The following SLC25A18 variants were observed in gnomAD, a reference collection of about 807,000 sequenced individuals.
SLC25A18 encodes solute carrier family 25 member 18.
A neutral mutation model predicts 31.1 loss-of-function variants in SLC25A18; 24 were observed. The observed-to-expected ratio is 0.77, with a 90% CI of 0.56 to 1.08. The LOEUF (loss-of-function observed/expected upper bound fraction) is 1.08, where lower values mean the gene tolerates loss of function less well. Ranked by LOEUF, SLC25A18 falls within the 50% of genes least tolerant of loss-of-function variation. The pLI is 0.00. For missense variants in SLC25A18, 371 were observed against 418.5 expected (o/e 0.89, Z 0.99); for synonymous variants, 173 against 161.9 (o/e 1.07, Z -0.52).
intron 8 of SLC25A18, 62 bp downstream of exon 8, chr22:17,587,363 C>T: frequency 6.5e-7 from 1 of 1,529,820 alleles, no homozygotes; most frequent in Non-Finnish European, 8.8e-7. Context: ...GGCCAGAGAG[C>T]TGGTTGTCCC....
chr22:17,565,227 C>T (rs569116927), intron 1 of SLC25A18, among the ~76,000 whole-genome samples: 1 of 152,104 alleles, frequency 6.6e-6, no homozygotes, highest in African/African-American at 2.4e-5. Context: ...ACTACAGGTG[C>T]CTGCCACTAT....
At chr22:17,572,883 C>T (rs1311214466) in intron 2 of SLC25A18, among the ~76,000 whole-genome samples, 3 of 151,974 alleles carry the variant, frequency 2.0e-5, no homozygotes, top group South Asian at 2.1e-4. Flanking sequence ...CCTCGTGATC[C>T]GCCCGCCTCG....
chr22:17,587,793 C>A, intron 8 of SLC25A18, 132 bp from the exon 9 acceptor site: 2 of 1,139,946 alleles, frequency 1.8e-6, no homozygotes, highest in South Asian at 1.4e-5. Flanking sequence ...TCACGGGGCA[C>A]AAAAGAAGGG....
Position 17,590,109 on chromosome 22 carries a change from A to AGGAG in SLC25A18, c.825_828dup (p.Pro277GlyfsTer40), listed in dbSNP as rs1482407302. ...TTTCTCCCCAGGAAACTCTGGATTC[A>AGGAG]GGAGGGACCATCTGCCTTCATGAAA... On this transcript the variant is annotated frameshift_variant, in exon 11 of 11. Coordinates refer to ENST00000327451, the MANE Select transcript of SLC25A18 (RefSeq NM_031481.3). LOFTEE classifies it high-confidence loss of function. 1.2e-6 allele frequency: 2 copies of AGGAG among 1,614,064 alleles called. No homozygotes were observed. The highest frequency in any genetic ancestry group is 1.7e-6 in the Non-Finnish European group (2 of 1,180,054).
intron 2 of SLC25A18, among the ~76,000 whole-genome samples, chr22:17,572,172 G>T (rs1030403636): frequency 6.7e-6 from 1 of 149,654 alleles, no homozygotes; most frequent in African/African-American, 2.5e-5. Context: ...GGGCAACAGA[G>T]TGAGACTCCA....
chr22:17,585,685 G>C (rs959603314), intron 7 of SLC25A18, among the ~76,000 whole-genome samples: 1 of 141,602 alleles, frequency 7.1e-6, no homozygotes, highest in African/African-American at 2.9e-5. Context: ...GTTTCACTCT[G>C]TTGCCCAGGC....
chr22:17,587,327 G>A (rs758046338), intron 8 of SLC25A18, 26 bp downstream of exon 8: 106 of 1,600,460 alleles, frequency 6.6e-5, no homozygotes, highest in Non-Finnish European at 8.6e-5. Flanking sequence ...GGTTCCCTAG[G>A]ACAAGTGCAC....
chr22:17,589,717 G>A (rs769297282), intron 10 of SLC25A18, 52 bp downstream of exon 10: 1 of 1,560,796 alleles, frequency 6.4e-7, no homozygotes. Context: ...CCTCTGCGTG[G>A]GTGTCTGCCT....
chr22:17,577,767 G>A (rs140146970), intron 2 of SLC25A18, among the ~76,000 whole-genome samples: 1,873 of 150,446 alleles, frequency 0.012, 29 homozygotes, highest in African/African-American at 0.042. Context: ...TTTTAGTAGA[G>A]ATGGAGTTTC....
intron 1 of SLC25A18, among the ~76,000 whole-genome samples, chr22:17,566,115 G>C (rs747935783): frequency 6.6e-6 from 1 of 151,994 alleles, no homozygotes; most frequent in East Asian, 1.9e-4. Context: ...CTATTTTTTT[G>C]AACCATGCTT....
rs755777269 is a variant in SLC25A18 at position 17,588,024 on chromosome 22, C to T, written c.675C>T (p.Phe225=). 6.6e-5 allele frequency: 107 copies of T among 1,614,118 alleles called. No homozygotes were observed. In the East Asian group the frequency reaches 2.2e-3, roughly 34 times the overall value. The change falls in exon 9 of 11, where the codon TTC becomes TTT. Residue 225 remains phenylalanine (F), a synonymous_variant. Transcript: ENST00000327451. ...LAGKASFAHS[F]VSGCVAGSIA... is the part of the protein sequence containing the mutation. Reference sequence around the variant, plus strand: ...GTAAGGCGTCCTTTGCACATTCCTTCGTGTCAGGCTGTGTGGCAGGTTCCA... The same window carrying T: ...GTAAGGCGTCCTTTGCACATTCCTTTGTGTCAGGCTGTGTGGCAGGTTCCA...
rs1247892647 is a variant in SLC25A18 at position 17,563,670 on chromosome 22, C to G, written c.-307C>G. On this transcript the variant is annotated 5_prime_UTR_variant, in exon 1 of 11. Coordinates refer to ENST00000327451, the MANE Select transcript of SLC25A18 (RefSeq NM_031481.3). ...AGTGAAGCCTGGCCCGTGAGTGCCTCAACAACTGAGATGAACGTCGACTCG... is the reference window on the plus strand; with the variant it reads ...AGTGAAGCCTGGCCCGTGAGTGCCTGAACAACTGAGATGAACGTCGACTCG... 7.1e-6 allele frequency: 7 copies of G among 985,184 alleles called. No individual in the cohort carries two copies. Among genetic ancestry groups the G allele is most frequent in the Non-Finnish European group, 8.4e-6 (7 of 829,930 alleles). The allele number at this position is 985,184 out of a possible 1,614,324, so 61.0% of individuals were successfully genotyped here.
At position 17,590,995 on chromosome 22, in the gene SLC25A18, A is replaced by G. The variant is rs893466463; in HGVS notation, c.*759A>G. 2.0e-5 allele frequency: 3 copies of G among 152,202 alleles called. No homozygotes were observed. Among genetic ancestry groups the G allele is most frequent in the African/African-American group, 7.2e-5 (3 of 41,430 alleles). The allele number at this position is 152,202 out of a possible 1,614,324, so 9.4% of individuals were successfully genotyped here. A position where few individuals can be genotyped will look rare whatever the true frequency, so the allele number is the denominator to read the frequency against. ...AACATTAAAAAGGGCATAGAAGCAG[A>G]CCCCCGTCACTCTTCAAACTGTTAC... On this transcript the variant is annotated 3_prime_UTR_variant, in exon 11 of 11. Coordinates refer to ENST00000327451, the MANE Select transcript of SLC25A18 (RefSeq NM_031481.3).
chr22:17,580,845 A>C, intron 3 of SLC25A18, 192 bp from the exon 4 acceptor site: 3 of 1,315,914 alleles, frequency 2.3e-6, no homozygotes, highest in Non-Finnish European at 2.9e-6. Context: ...TTGCAGCAAG[A>C]TGCCTCACCC....
At chr22:17,567,489 T>C (rs1245812611) in intron 1 of SLC25A18, among the ~76,000 whole-genome samples, 1 of 151,696 alleles carries the variant, frequency 6.6e-6, no homozygotes, top group African/African-American at 2.4e-5. Flanking sequence ...ATTTAGGAGC[T>C]GGAATCTGAA....
chr22:17,587,853 G>T lies in SLC25A18; in HGVS notation c.576-72G>T, dbSNP rs572479761. On this transcript the variant is annotated intron_variant, in intron 8 of 10. Transcript: ENST00000327451. ...TGTAAGCCCCACAGCTCACAGCAAA[G>T]CTCATTGTCTCACCTTGGGTGGCAG... 3.1e-4 allele frequency: 500 copies of T among 1,596,810 alleles called. 7 individuals carry two copies. The South Asian group carries it at 5.2e-3, about 17-fold the overall frequency.
chr22:17,590,050 A>C, intron 10 of SLC25A18, 45 bp from the exon 11 acceptor site: 4 of 1,610,138 alleles, frequency 2.5e-6, no homozygotes, highest in Non-Finnish European at 3.4e-6. Flanking sequence ...GGCTGCTTGC[A>C]GAATGCCCCT....
chr22:17,568,283 C>T (rs950478745), intron 1 of SLC25A18, among the ~76,000 whole-genome samples: 7 of 149,524 alleles, frequency 4.7e-5, no homozygotes, highest in African/African-American at 1.5e-4. Flanking sequence ...AGGAGAATGG[C>T]GTGAACGTGG....
rs1007754127 is a variant in SLC25A18, at chr22:17,590,433, G to A, written c.*197G>A. The A allele has an allele frequency of 5.3e-5, 31 of 582,252 alleles. No homozygotes were observed. The South Asian group carries it at 5.6e-4, about 11-fold the overall frequency. 36.1% of individuals were successfully genotyped at this position (582,252 alleles called of 1,614,324 possible). ...CTTCTTCCCCTTCGTGTCTACACTC[G>A]TTTTCCTTTGTGGGCACAGCTACCA... On this transcript the variant is annotated 3_prime_UTR_variant, in exon 11 of 11. Coordinates refer to ENST00000327451, the MANE Select transcript of SLC25A18 (RefSeq NM_031481.3).
Sources: gnomAD v4.1 joint callset for allele counts (sites outside exome capture counted in the v4.1 genomes callset) on GRCh38, gnomAD v4.1.1 for gene constraint, MANE v1.5 for transcripts, NCBI Gene and HGNC (gene_info 2026-07-23, HGNC 2026-07-21) for gene names.